TMEM67: variants seen among roughly 807,000 people sequenced by gnomAD.
TMEM67 encodes transmembrane protein 67, also known as meckelin.
Under a neutral mutation model 136.6 loss-of-function variants are expected in TMEM67, and 124 were observed. That is an observed-to-expected ratio of 0.91 (90% CI 0.78 to 1.05). TMEM67 has a LOEUF of 1.05. Ranked by LOEUF, TMEM67 falls within the 50% of genes least tolerant of loss-of-function variation. The pLI is 0.00. For synonymous variants in TMEM67, 364 were observed against 390.5 expected, an observed-to-expected ratio of 0.93 and a Z score of 0.80; for missense variants, 1,107 against 1,178.4, an observed-to-expected ratio of 0.94 and a Z score of 0.89.
At position 93,763,523 on chromosome 8, in the gene TMEM67, A is replaced by G. The variant is rs528591276; in HGVS notation, c.407-319A>G. ...CCTAGTGTGACAGAAATGTATAGAT[A>G]AGAGGTAAGAAAATTTTTGAGGAAA... is the stretch of plus-strand genomic sequence containing the variant. On this transcript the variant is annotated intron_variant, in intron 3 of 27. Transcript: ENST00000453321. 2.0e-5 allele frequency among the ~76,000 whole-genome samples: 3 copies of G among 152,312 alleles called. No homozygotes were observed. In the South Asian group the frequency reaches 6.2e-4, roughly 32 times the overall value.
At chr8:93,756,059 A>G in intron 2 of TMEM67, 193 bp downstream of exon 2, 1 of 469,026 alleles carries the variant, frequency 2.1e-6, no homozygotes, top group Non-Finnish European at 3.8e-6. Context: ...ACAGAAATGT[A>G]TTTCTTTTAA....
At chr8:93,813,766 A>T (rs1408237412) in intron 26 of TMEM67, among the ~76,000 whole-genome samples, 1 of 152,210 alleles carries the variant, frequency 6.6e-6, no homozygotes, top group Non-Finnish European at 1.5e-5. Context: ...GGCATTAAAT[A>T]TAAGGGACCA....
chr8:93,764,100 G>A (rs777109144), intron 4 of TMEM67, among the ~76,000 whole-genome samples, 159 bp downstream of exon 4: 5 of 152,200 alleles, frequency 3.3e-5, no homozygotes, highest in Non-Finnish European at 7.3e-5. Context: ...GAGGCCCAGA[G>A]CGTGAGACAC....
intron 7 of TMEM67, among the ~76,000 whole-genome samples, chr8:93,774,356 T>C (rs1813446484): frequency 6.6e-6 from 1 of 152,166 alleles, no homozygotes; most frequent in Non-Finnish European, 1.5e-5. Flanking sequence ...TTTTCTCTTT[T>C]TATTTATTTC....
the TMEM67 span, among the ~76,000 whole-genome samples, chr8:93,827,349 G>T: frequency 6.6e-6 from 1 of 152,008 alleles, no homozygotes; most frequent in African/African-American, 2.4e-5. Context: ...GTTGCCTGTG[G>T]AATATCCATT....
downstream of TMEM67, among the ~76,000 whole-genome samples, chr8:93,823,951 G>C (rs1340296099): frequency 6.6e-6 from 1 of 151,668 alleles, no homozygotes; most frequent in East Asian, 1.9e-4. Flanking sequence ...TTGTTACCTA[G>C]AAGGGTGACA....
chr8:93,780,001 A>C (rs1388701699), intron 7 of TMEM67, among the ~76,000 whole-genome samples: 1 of 152,194 alleles, frequency 6.6e-6, no homozygotes, highest in African/African-American at 2.4e-5. Context: ...CAGAGGCAGC[A>C]GGCCTTGCTG....
intron 3 of TMEM67, among the ~76,000 whole-genome samples, chr8:93,761,194 A>T (rs1368727112): frequency 6.6e-6 from 1 of 152,152 alleles, no homozygotes; most frequent in Non-Finnish European, 1.5e-5. Context: ...AGTTTCTTGG[A>T]GGCTGAGGCA....
chr8:93,786,742 A>T (rs1052199895), intron 13 of TMEM67, among the ~76,000 whole-genome samples: 3 of 151,892 alleles, frequency 2.0e-5, no homozygotes, highest in African/African-American at 7.3e-5. Flanking sequence ...AATTTTCAAC[A>T]CCTCCCTCTT....
At chr8:93,755,984 C>A in intron 2 of TMEM67, 118 bp downstream of exon 2, 1 of 611,896 alleles carries the variant, frequency 1.6e-6, no homozygotes, top group Non-Finnish European at 2.8e-6. Flanking sequence ...AATTACTATG[C>A]TAATTTTATT....
At chr8:93,808,464 T>TATCTATTATAG (rs1554559282) in intron 23 of TMEM67, among the ~76,000 whole-genome samples, 12 of 60,144 alleles carry the variant, frequency 2.0e-4, no homozygotes, top group African/African-American at 7.0e-4. Context: ...AATATATATT[T>TATCTATTATAG]ATCTATTATA....
At chr8:93,829,142 C>T in the TMEM67 span, among the ~76,000 whole-genome samples, 1 of 152,268 alleles carries the variant, frequency 6.6e-6, no homozygotes, top group East Asian at 1.9e-4. Flanking sequence ...CTGTTATCAT[C>T]ATTGCCCTAG....
chr8:93,804,305 C>CT (rs1239021252), intron 22 of TMEM67, among the ~76,000 whole-genome samples: 1 of 90,070 alleles, frequency 1.1e-5, no homozygotes, highest in African/African-American at 4.0e-5. Context: ...TTTCTCTTTT[C>CT]TTTTCTTTTT....
downstream of TMEM67, among the ~76,000 whole-genome samples, chr8:93,821,517 C>T (rs542760676): frequency 6.6e-6 from 1 of 152,178 alleles, no homozygotes; most frequent in Non-Finnish European, 1.5e-5. Context: ...CTCCTAGCCT[C>T]AAGCGATCCT....
At chr8:93,795,813 A>T in intron 17 of TMEM67, 88 bp from the exon 18 acceptor site, 1 of 1,149,840 alleles carries the variant, frequency 8.7e-7, no homozygotes. Flanking sequence ...TCCTTTCCCA[A>T]AAAAAAACAA....
chr8:93,791,132 C>A, intron 14 of TMEM67, 131 bp from the exon 15 acceptor site: 1 of 640,994 alleles, frequency 1.6e-6, no homozygotes, highest in Non-Finnish European at 2.8e-6. Context: ...TAAAGGTCAA[C>A]TCTAGTAATA....
chr8:93,759,421 C>T (rs1389262368), intron 3 of TMEM67: 1 of 149,106 alleles, frequency 6.7e-6, no homozygotes, highest in Non-Finnish European at 1.5e-5. Flanking sequence ...TGAGATGGCG[C>T]CACTGCACTC....
chr8:93,821,465 A>G (rs2130810703), downstream of TMEM67, among the ~76,000 whole-genome samples: 1 of 152,162 alleles, frequency 6.6e-6, no homozygotes, highest in South Asian at 2.1e-4. Flanking sequence ...ATTTTTTTGT[A>G]GAGACAGAGT....
intron 14 of TMEM67, among the ~76,000 whole-genome samples, chr8:93,789,319 G>A (rs749548999): frequency 3.9e-5 from 6 of 152,034 alleles, no homozygotes; most frequent in Non-Finnish European, 7.4e-5. Flanking sequence ...ATTAGTTTCC[G>A]TTGACTGAGC....
Sources: allele counts gnomAD v4.1 joint callset (sites outside exome capture counted in the v4.1 genomes callset), GRCh38; gene constraint gnomAD v4.1.1; transcripts MANE v1.5; gene names NCBI Gene and HGNC (gene_info 2026-07-23, HGNC 2026-07-21).